The following ACOT1 variants were observed in gnomAD, a reference collection of about 807,000 sequenced individuals.
The protein encoded by ACOT1 is acyl-CoA thioesterase 1.
ACOT1 carries 8 observed loss-of-function variants against 15.7 expected under a neutral mutation model. The observed-to-expected ratio is 0.51, with a 90% CI of 0.30 to 0.92. The LOEUF (loss-of-function observed/expected upper bound fraction) is 0.92. ACOT1 is among the 40% of genes least tolerant of loss of function. ACOT1 has a pLI of 0.06. For missense variants in ACOT1, 151 were observed against 539.4 expected (o/e 0.28, Z 7.13); for synonymous variants, 67 against 241.2 (o/e 0.28, Z 6.69).
At chr14:73,502,799 G>A in the ACOT1 span, 30 of 846,964 alleles carry the variant, frequency 3.5e-5, no homozygotes, top group East Asian at 4.9e-4. Flanking sequence ...CGCCCACCCC[G>A]TCTTCCCAAA....
At chr14:73,490,971 G>A in the ACOT1 span, 4 of 1,313,348 alleles carry the variant, frequency 3.0e-6, no homozygotes, top group East Asian at 3.1e-5. Context: ...AACCGCTTTA[G>A]CTTCGCCCCC....
the ACOT1 span, chr14:73,502,966 C>G: frequency 6.2e-7 from 1 of 1,614,122 alleles, no homozygotes; most frequent in Non-Finnish European, 8.5e-7. Context: ...TCCTCACTTC[C>G]TTATTCCAGT....
At chr14:73,494,963 T>C in the ACOT1 span, among the ~76,000 whole-genome samples, 3 of 152,286 alleles carry the variant, frequency 2.0e-5, no homozygotes, top group East Asian at 5.8e-4. Flanking sequence ...GTTTTTCTGA[T>C]ATGTCCTTTT....
chr14:73,502,777 G>A, the ACOT1 span: 1 of 739,064 alleles, frequency 1.4e-6, no homozygotes, highest in Non-Finnish European at 2.4e-6. Flanking sequence ...TCGATCTCCT[G>A]ACCTCGTGAT....
At chr14:73,531,423 C>CT in the ACOT1 span, among the ~76,000 whole-genome samples, 675 of 93,504 alleles carry the variant, frequency 7.2e-3, 125 homozygotes, top group African/African-American at 0.011. Flanking sequence ...AGTTTTTCGT[C>CT]TTTTTTTTTT....
chr14:73,506,536 G>A, the ACOT1 span: 1 of 1,613,750 alleles, frequency 6.2e-7, no homozygotes, highest in Admixed American at 1.7e-5. Flanking sequence ...ATTGACAGCT[G>A]TTCAGCTCCA....
chr14:73,493,115 A>C, the ACOT1 span: 1 of 1,613,228 alleles, frequency 6.2e-7, no homozygotes, highest in Non-Finnish European at 8.5e-7. Context: ...TCTAGGAAGA[A>C]CCATCTCATC....
the ACOT1 span, chr14:73,495,086 G>T: frequency 1.6e-6 from 1 of 607,558 alleles, no homozygotes; most frequent in Non-Finnish European, 2.8e-6. Context: ...AAGACTGAGT[G>T]GATGGTAGCC....
chr14:73,531,463 C>T, the ACOT1 span, among the ~76,000 whole-genome samples: 867 of 102,940 alleles, frequency 8.4e-3, 278 homozygotes, highest in East Asian at 0.2. Context: ...CTCTGTCGCC[C>T]AGGCTGGAGT....
the ACOT1 span, chr14:73,523,203 G>A: frequency 6.7e-7 from 1 of 1,493,458 alleles, no homozygotes; most frequent in Non-Finnish European, 8.9e-7. Flanking sequence ...TAGAGGAAAG[G>A]CCTGGAGATG....
At chr14:73,500,356 T>C in the ACOT1 span, among the ~76,000 whole-genome samples, 7 of 151,956 alleles carry the variant, frequency 4.6e-5, no homozygotes, top group Admixed American at 6.6e-5. Flanking sequence ...AATTCTTCCA[T>C]TGTGGCCCAG....
At chr14:73,509,153 G>A in the ACOT1 span, among the ~76,000 whole-genome samples, 2 of 152,016 alleles carry the variant, frequency 1.3e-5, no homozygotes, top group African/African-American at 2.4e-5. Context: ...AGGTGTGAGC[G>A]ACAGTGTCTG....
rs752546604 is a variant in ACOT1, at chr14:73,537,598, G to C, written c.177G>C (p.Glu59Asp). ...HARYRADTLG[E>D]LDLERAPALG... is the part of the protein sequence containing the mutation. ...GCTACCGCGCCGACACCCTTGGCGA[G>C]CTGGACCTGGAGCGCGCGCCCGCGC... The change falls in exon 1 of 3, where the codon GAG becomes GAC. Residue 59 changes from glutamate (E) to aspartate (D), a missense_variant. Transcript: ENST00000311148. The C allele has an allele frequency of 4.1e-6, 5 of 1,222,592 alleles. No homozygotes were observed. Among genetic ancestry groups the C allele is most frequent in the Non-Finnish European group, 5.4e-6 (5 of 929,948 alleles). 75.7% of individuals were successfully genotyped at this position (1,222,592 alleles called of 1,614,324 possible). A position where few individuals can be genotyped will look rare whatever the true frequency, so the allele number is the denominator to read the frequency against.
chr14:73,519,183 C>T, the ACOT1 span: 18 of 1,605,600 alleles, frequency 1.1e-5, no homozygotes, highest in Admixed American at 2.0e-4. Context: ...GACAAAGAAA[C>T]AATGAGTCCC....
the ACOT1 span, chr14:73,491,676 G>A: frequency 6.5e-7 from 1 of 1,549,622 alleles, no homozygotes; most frequent in Non-Finnish European, 8.7e-7. Flanking sequence ...CACTTTTACC[G>A]GCGCCTATGG....
At chr14:73,491,878 G>C in the ACOT1 span, 1 of 1,611,664 alleles carries the variant, frequency 6.2e-7, no homozygotes, top group Non-Finnish European at 8.5e-7. Context: ...CCGCCGCGTG[G>C]TCCCTGTACC....
At chr14:73,516,505 A>G in the ACOT1 span, among the ~76,000 whole-genome samples, 1 of 147,498 alleles carries the variant, frequency 6.8e-6, no homozygotes, top group South Asian at 2.2e-4. Context: ...TAGATCTCTG[A>G]TATTTAACCT....
the ACOT1 span, among the ~76,000 whole-genome samples, chr14:73,495,761 T>G: frequency 4.6e-5 from 7 of 152,220 alleles, no homozygotes; most frequent in Admixed American, 1.3e-4. Context: ...TGATGTGAAG[T>G]TGGTTTCTTG....
the ACOT1 span, chr14:73,514,080 C>T: frequency 1.2e-6 from 2 of 1,614,080 alleles, no homozygotes; most frequent in Middle Eastern, 1.6e-4. Context: ...GCAGGACCAC[C>T]AGTTCCCAGG....
Sources: allele counts gnomAD v4.1 joint callset (sites outside exome capture counted in the v4.1 genomes callset), GRCh38; gene constraint gnomAD v4.1.1; transcripts MANE v1.5; gene names NCBI Gene and HGNC (gene_info 2026-07-23, HGNC 2026-07-21).